The following MAP7 variants were observed in gnomAD, a reference collection of about 807,000 sequenced individuals.
MAP7 encodes the protein ensconsin.
A neutral mutation model predicts 94.8 loss-of-function variants in MAP7; 52 were observed. The ratio of observed to expected loss-of-function variants is 0.55; its 90% confidence interval spans 0.44 to 0.69. MAP7 has a LOEUF of 0.69. MAP7 is among the 30% of genes least tolerant of loss of function. The pLI is 0.00. For synonymous variants in MAP7, 350 were observed against 357.0 expected, an observed-to-expected ratio of 0.98 and a Z score of 0.22; for missense variants, 940 against 964.6, an observed-to-expected ratio of 0.97 and a Z score of 0.34.
At chr6:136,521,098 T>C (rs1826284907) in intron 1 of MAP7, among the ~76,000 whole-genome samples, 1 of 152,160 alleles carries the variant, frequency 6.6e-6, no homozygotes, top group Non-Finnish European at 1.5e-5. Flanking sequence ...GCTACTTAGC[T>C]CCAGCTGATG....
chr6:136,550,324 T>A lies in MAP7; in HGVS notation c.67+18A>T. ...CCCCTGCCCGACGGGACCCCCACTA[T>A]CCCCGCTGTGCGGTCACCTGTTTCG... On this transcript the variant is annotated intron_variant, in intron 1 of 17. Transcript: ENST00000354570. The surrounding 1 kb of genome is among the most constrained non-coding windows in gnomAD (Gnocchi z 5.1). 6.7e-7 allele frequency: 1 copy of A among 1,503,632 alleles called. No individual in the cohort carries two copies. The allele number at this position is 1,503,632 out of a possible 1,614,324, so 93.1% of individuals were successfully genotyped here. A position where few individuals can be genotyped will look rare whatever the true frequency, so the allele number is the denominator to read the frequency against.
chr6:136,415,308 G>T (rs575714531), intron 2 of MAP7, among the ~76,000 whole-genome samples: 1 of 152,098 alleles, frequency 6.6e-6, no homozygotes, highest in Non-Finnish European at 1.5e-5. Context: ...AGCCATATGA[G>T]CACATTATGG....
intron 1 of MAP7, among the ~76,000 whole-genome samples, chr6:136,511,197 T>C (rs1029718135): frequency 1.3e-5 from 2 of 152,170 alleles, no homozygotes; most frequent in Non-Finnish European, 2.9e-5. Context: ...TCAAAATTCA[T>C]ACTAATTTTA....
At chr6:136,498,434 T>C (rs1412301415) in intron 1 of MAP7, among the ~76,000 whole-genome samples, 4 of 151,994 alleles carry the variant, frequency 2.6e-5, no homozygotes, top group African/African-American at 4.8e-5. Context: ...GTCACAAATT[T>C]ATGTACTTTT....
chr6:136,548,642 T>G (rs1829909738), intron 1 of MAP7, among the ~76,000 whole-genome samples: 1 of 152,220 alleles, frequency 6.6e-6, no homozygotes, highest in Non-Finnish European at 1.5e-5. Context: ...ATATTAATTG[T>G]TGGAAGCACG....
At position 136,362,666 on chromosome 6, in the gene MAP7, G is replaced by T. The variant is rs766342081; in HGVS notation, c.1310C>A (p.Pro437Gln). The T allele has an allele frequency of 1.2e-6, 2 of 1,607,884 alleles. No homozygotes were observed. Among genetic ancestry groups the T allele is most frequent in the Admixed American group, 1.7e-5 (1 of 59,516 alleles). Residue 437 changes from proline to glutamine, a missense_variant, in exon 11 of 18, where the codon CCA becomes CAA. Coordinates refer to ENST00000354570, the MANE Select transcript of MAP7 (RefSeq NM_003980.6). ...PAMAPAPASAPAPASAPAPAP... is the reference protein window; with the variant it reads ...PAMAPAPASAQAPASAPAPAP... ...TGGAGCTGGGGCCGAGGCTGGAGCTGGGGCCGAGGCTGGAGCTGGGGCCAT... is the reference window on the plus strand; with the variant it reads ...TGGAGCTGGGGCCGAGGCTGGAGCTTGGGCCGAGGCTGGAGCTGGGGCCAT...
chr6:136,411,702 A>G lies in MAP7; in HGVS notation c.167-5T>C. On this transcript the variant is annotated splice_region_variant and splice_polypyrimidine_tract_variant and intron_variant, in intron 2 of 17. Coordinates refer to ENST00000354570, the MANE Select transcript of MAP7 (RefSeq NM_003980.6). Reference sequence around the variant, plus strand: ...CACGTAACACAGGCGGAGGGTCTGAAAGCGAGATTAAAAAAAACATGAGAT... The same window carrying G: ...CACGTAACACAGGCGGAGGGTCTGAGAGCGAGATTAAAAAAAACATGAGAT... The G allele has an allele frequency of 6.4e-7, 1 of 1,556,204 alleles. No homozygotes were observed. The highest frequency in any genetic ancestry group is 8.7e-7 in the Non-Finnish European group (1 of 1,149,378).
At chr6:136,407,034 C>A (rs1246364492) in intron 3 of MAP7, among the ~76,000 whole-genome samples, 1 of 152,178 alleles carries the variant, frequency 6.6e-6, no homozygotes, top group East Asian at 1.9e-4. Context: ...AAAAGTACAA[C>A]CACTGTGCTA....
At position 136,440,232 on chromosome 6, in the gene MAP7, T is replaced by C. The variant is rs534321759; in HGVS notation, c.68-18433A>G. ...CAGTCACTGTTCCAGACATTAATAATACAAAGATAATCATACTGAGGTTGA... is the reference window on the plus strand; with the variant it reads ...CAGTCACTGTTCCAGACATTAATAACACAAAGATAATCATACTGAGGTTGA... On this transcript the variant is annotated intron_variant, in intron 1 of 17. Coordinates refer to ENST00000354570, the MANE Select transcript of MAP7 (RefSeq NM_003980.6). 6.6e-4 allele frequency among the ~76,000 whole-genome samples: 101 copies of C among 152,300 alleles called. 1 individual carries two copies. The South Asian group carries it at 0.021, about 31-fold the overall frequency.
chr6:136,538,581 C>T (rs1829061637), intron 1 of MAP7, among the ~76,000 whole-genome samples: 1 of 151,798 alleles, frequency 6.6e-6, no homozygotes. Context: ...AGTTCGAAAC[C>T]AGCCTGAGCA....
intron 1 of MAP7, among the ~76,000 whole-genome samples, chr6:136,453,187 T>C (rs897859282): frequency 2.0e-5 from 3 of 152,216 alleles, no homozygotes; most frequent in South Asian, 4.1e-4. Flanking sequence ...AAGTTATGTT[T>C]TCCCCCATGC....
At chr6:136,488,092 A>G (rs1815346405) in intron 1 of MAP7, among the ~76,000 whole-genome samples, 1 of 152,230 alleles carries the variant, frequency 6.6e-6, no homozygotes, top group Admixed American at 6.5e-5. Flanking sequence ...TTTTCTTTTC[A>G]AAGTCACTTT....
intron 1 of MAP7, among the ~76,000 whole-genome samples, chr6:136,426,471 T>TA (rs1251102424): frequency 2.6e-5 from 4 of 152,182 alleles, no homozygotes; most frequent in African/African-American, 9.7e-5. Context: ...TTCAATTTTC[T>TA]AAAAAATCCA....
chr6:136,466,741 T>A, intron 1 of MAP7: 1 of 1,533,596 alleles, frequency 6.5e-7, no homozygotes, highest in Admixed American at 2.0e-5. Flanking sequence ...TCAAAACACA[T>A]TTTGAGCCCA....
intron 1 of MAP7, among the ~76,000 whole-genome samples, chr6:136,478,979 CAAAAAA>C (rs59319740): frequency 2.2e-5 from 1 of 45,544 alleles, no homozygotes; most frequent in African/African-American, 5.3e-5. Context: ...ACAGACACAT[CAAAAAA>C]AAAAAAAAAA....
In MAP7 at chr6:136,366,216, A is replaced by G; in HGVS notation, c.989+111T>C. On this transcript the variant is annotated intron_variant, in intron 9 of 17. Coordinates refer to ENST00000354570, the MANE Select transcript of MAP7 (RefSeq NM_003980.6). ...TTTCTTTCCTTTTGGGAAGAATGCT[A>G]TTCCCTAAGTCAAAGCCAAACAGCA... 6 of 1,069,050 alleles carry G rather than the reference A, an allele frequency of 5.6e-6. No individual in the cohort carries two copies. The South Asian group carries it at 8.6e-5, about 15-fold the overall frequency. The allele number at this position is 1,069,050 out of a possible 1,614,324, so 66.2% of individuals were successfully genotyped here. A position where few individuals can be genotyped will look rare whatever the true frequency, so the allele number is the denominator to read the frequency against.
At chr6:136,377,701 G>A in intron 7 of MAP7, 54 bp downstream of exon 7, 1 of 1,304,422 alleles carries the variant, frequency 7.7e-7, no homozygotes, top group Non-Finnish European at 1.1e-6. Context: ...AGACGAATAT[G>A]CTTCAAAGGG....
intron 3 of MAP7, among the ~76,000 whole-genome samples, chr6:136,401,220 C>T (rs758882663): frequency 3.0e-4 from 46 of 152,156 alleles, no homozygotes; most frequent in Admixed American, 5.2e-4. Flanking sequence ...GACTTGTTGG[C>T]ACATGCCTGT....
At chr6:136,389,312 AACTAGAGGAGCC>A in intron 4 of MAP7, 30 bp downstream of exon 4, 2 of 1,510,744 alleles carry the variant, frequency 1.3e-6, no homozygotes, top group Non-Finnish European at 1.8e-6. Flanking sequence ...TGCATGTCTG[AACTAGAGGAGCC>A]ACTCATATTC....
Sources: allele counts gnomAD v4.1 joint callset (sites outside exome capture counted in the v4.1 genomes callset), GRCh38; gene constraint gnomAD v4.1.1; non-coding constraint Gnocchi (gnomAD v3.1); transcripts MANE v1.5; gene names NCBI Gene and HGNC (gene_info 2026-07-23, HGNC 2026-07-21).